Variants in ST6GALNAC5 observed in about 807,000 individuals in gnomAD.
ST6GALNAC5 encodes the protein ST6 N-acetylgalactosaminide alpha-2,6-sialyltransferase 5, also known as alpha-N-acetylgalactosaminide alpha-2,6-sialyltransferase 5.
In ST6GALNAC5, 27 loss-of-function variants were observed where a neutral mutation model predicts 33.6. The observed-to-expected ratio is 0.80, with a 90% CI of 0.59 to 1.11. The LOEUF is 1.11. ST6GALNAC5 is among the 50% of genes least tolerant of loss of function. The pLI, the probability that ST6GALNAC5 is intolerant of heterozygous loss-of-function variation, is 0.00. For missense variants in ST6GALNAC5, 428 were observed against 454.0 expected (o/e 0.94, Z 0.52); for synonymous variants, 194 against 171.2 (o/e 1.13, Z -1.04).
At chr1:76,874,300 G>T (rs960600687) in intron 2 of ST6GALNAC5, among the ~76,000 whole-genome samples, 2 of 152,150 alleles carry the variant, frequency 1.3e-5, no homozygotes, top group Non-Finnish European at 2.9e-5. Flanking sequence ...ATGACATAGG[G>T]TCTTCTGCAC....
intron 2 of ST6GALNAC5, among the ~76,000 whole-genome samples, chr1:76,926,893 G>A (rs962693021): frequency 6.6e-6 from 1 of 151,870 alleles, no homozygotes; most frequent in African/African-American, 2.4e-5. Flanking sequence ...AAAGATGATG[G>A]GCCATTTTTA....
intron 2 of ST6GALNAC5, among the ~76,000 whole-genome samples, chr1:76,935,704 A>G (rs1003469184): frequency 6.6e-6 from 1 of 152,058 alleles, no homozygotes; most frequent in African/African-American, 2.4e-5. Context: ...AAAACTGAAG[A>G]CCTTTGGCCC....
At chr1:77,004,219 C>T (rs983183016) in intron 2 of ST6GALNAC5, among the ~76,000 whole-genome samples, 2 of 151,044 alleles carry the variant, frequency 1.3e-5, no homozygotes, top group Non-Finnish European at 3.0e-5. Context: ...CTAAACTTCC[C>T]TTCTCACTTC....
At chr1:76,998,137 C>T (rs2100404658) in intron 2 of ST6GALNAC5, among the ~76,000 whole-genome samples, 1 of 152,228 alleles carries the variant, frequency 6.6e-6, no homozygotes, top group East Asian at 1.9e-4. Context: ...TATAAATTAC[C>T]CAGTCTTGGG....
intron 4 of ST6GALNAC5, among the ~76,000 whole-genome samples, chr1:77,050,946 A>T (rs1200726831): frequency 6.6e-6 from 1 of 152,216 alleles, no homozygotes; most frequent in Non-Finnish European, 1.5e-5. Context: ...GGCATACCAC[A>T]AATGCACTCA....
intron 2 of ST6GALNAC5, among the ~76,000 whole-genome samples, chr1:76,952,167 T>C (rs1183792936): frequency 6.6e-6 from 1 of 152,094 alleles, no homozygotes; most frequent in Non-Finnish European, 1.5e-5. Flanking sequence ...TTGGTGGTGT[T>C]TGCTTATTTC....
chr1:76,954,567 G>A (rs747676727), intron 2 of ST6GALNAC5, among the ~76,000 whole-genome samples: 4 of 152,004 alleles, frequency 2.6e-5, no homozygotes, highest in Non-Finnish European at 5.9e-5. Flanking sequence ...AAGAGTGAGT[G>A]TTTGTAAATA....
At chr1:76,931,858 C>T (rs1226962010) in intron 2 of ST6GALNAC5, among the ~76,000 whole-genome samples, 2 of 151,876 alleles carry the variant, frequency 1.3e-5, no homozygotes, top group Middle Eastern at 3.4e-3. Context: ...CCTGAAGTAA[C>T]AACATTTAAG....
At chr1:77,034,843 G>A (rs1012813327) in intron 2 of ST6GALNAC5, among the ~76,000 whole-genome samples, 8 of 152,230 alleles carry the variant, frequency 5.3e-5, no homozygotes, top group South Asian at 2.1e-4. Flanking sequence ...ATTCCTTTTC[G>A]GTGAGTACCC....
chr1:76,915,750 G>C (rs745749172), intron 2 of ST6GALNAC5, among the ~76,000 whole-genome samples: 1 of 151,604 alleles, frequency 6.6e-6, no homozygotes, highest in African/African-American at 2.4e-5. Context: ...GCTAAATGAC[G>C]AGTTAATGGG....
At chr1:76,923,800 T>A (rs2100300596) in intron 2 of ST6GALNAC5, among the ~76,000 whole-genome samples, 1 of 152,224 alleles carries the variant, frequency 6.6e-6, no homozygotes. Flanking sequence ...TTACGTGTAT[T>A]TGGAAAAGCC....
chr1:77,016,229 C>CCT (rs1650842656), intron 2 of ST6GALNAC5, among the ~76,000 whole-genome samples: 5 of 91,444 alleles, frequency 5.5e-5, no homozygotes, highest in African/African-American at 2.2e-4. Context: ...TATCTCCTCC[C>CCT]CCTCCTCCTC....
At chr1:77,057,822 G>A (rs1397309940) in intron 4 of ST6GALNAC5, among the ~76,000 whole-genome samples, 3 of 152,170 alleles carry the variant, frequency 2.0e-5, no homozygotes, top group Admixed American at 6.5e-5. Context: ...ACCCAGAAAT[G>A]GAAGTGTCTT....
intron 2 of ST6GALNAC5, among the ~76,000 whole-genome samples, chr1:76,971,359 C>T (rs1648749906): frequency 6.6e-6 from 1 of 152,046 alleles, no homozygotes; most frequent in African/African-American, 2.4e-5. Flanking sequence ...GTGTTACGGG[C>T]CCAGAGCGAG....
At position 76,868,590 on chromosome 1, in the gene ST6GALNAC5, C is replaced by T. The variant is rs1480750581; in HGVS notation, c.109C>T (p.Pro37Ser). Residue 37 changes from proline (P) to serine (S), a missense_variant, in exon 2 of 5, where the codon CCG (proline) becomes TCG (serine). Physicochemically the swap from Pro to Ser is moderately conservative, Grantham distance 74. Transcript: ENST00000477717. The surrounding 1 kb of genome is among the most constrained non-coding windows in gnomAD (Gnocchi z 4.3). ...SSLGGQKERP[P>S]QQQQQQQQQQ... Reference sequence around the variant, plus strand: ...CCTCGGCGGCCAGAAGGAGCGGCCCCCGCAGCAGCAGCAGCAGCAGCAGCA... The same window carrying T: ...CCTCGGCGGCCAGAAGGAGCGGCCCTCGCAGCAGCAGCAGCAGCAGCAGCA... 2 of 1,611,184 alleles carry T rather than the reference C, an allele frequency of 1.2e-6. No homozygotes were observed. The highest frequency in any genetic ancestry group is 2.2e-5 in the East Asian group (1 of 44,820).
rs368272917 is a variant in ST6GALNAC5, at chr1:77,044,409, G to T, written c.467G>T (p.Arg156Leu). 1.6e-5 allele frequency: 26 copies of T among 1,613,296 alleles called. No individual in the cohort carries two copies. Among genetic ancestry groups the T allele is most frequent in the Non-Finnish European group, 1.9e-5 (23 of 1,179,696 alleles). The change falls in exon 3 of 5, where the codon CGC becomes CTC. Residue 156 changes from arginine (R) to leucine (L), a missense_variant. By Grantham distance (102) the Arg-to-Leu change is moderately radical (BLOSUM62 -2). Transcript: ENST00000477717. ...HSSIQRILRN[R>L]HDLLNVSQGT... is the part of the protein sequence containing the mutation. ...AGCATCCAGAGGATCCTCCGCAACC[G>T]CCATGACCTGCTCAACGTGAGCCAG...
Position 76,867,812 on chromosome 1 carries a change from G to A in ST6GALNAC5, c.15+122G>A, listed in dbSNP as rs1435791030. 2.8e-6 allele frequency: 4 copies of A among 1,412,680 alleles called. No individual in the cohort carries two copies. The African/African-American group carries it at 5.7e-5, about 20-fold the overall frequency. The allele number at this position is 1,412,680 out of a possible 1,614,324, so 87.5% of individuals were successfully genotyped here. A position where few individuals can be genotyped will look rare whatever the true frequency, so the allele number is the denominator to read the frequency against. ...GGGCCGCGAGGTCGCCTGTTACAAA[G>A]GGACAACTTTCTACCCGCTCCGCGT... On this transcript the variant is annotated intron_variant, in intron 1 of 4. Coordinates refer to ENST00000477717, the MANE Select transcript of ST6GALNAC5 (RefSeq NM_030965.3).
intron 2 of ST6GALNAC5, among the ~76,000 whole-genome samples, chr1:76,998,652 A>T (rs1650030467): frequency 6.6e-6 from 1 of 152,124 alleles, no homozygotes; most frequent in South Asian, 2.1e-4. Context: ...TAGAACTTAC[A>T]TTTTTTTAAG....
intron 2 of ST6GALNAC5, among the ~76,000 whole-genome samples, chr1:77,033,846 C>T (rs1651552325): frequency 6.6e-6 from 1 of 152,068 alleles, no homozygotes; most frequent in Non-Finnish European, 1.5e-5. Flanking sequence ...ATGAGGCAGA[C>T]AAGATTCCAA....
Sources: allele counts gnomAD v4.1 joint callset (sites outside exome capture counted in the v4.1 genomes callset), GRCh38; gene constraint gnomAD v4.1.1; non-coding constraint Gnocchi (gnomAD v3.1); transcripts MANE v1.5; gene names NCBI Gene and HGNC (gene_info 2026-07-23, HGNC 2026-07-21).